Variants in H6PD observed in about 807,000 individuals in gnomAD.
H6PD encodes GDH/6PGL endoplasmic bifunctional protein.
H6PD carries 48 observed loss-of-function variants against 61.2 expected under a neutral mutation model. The ratio of observed to expected loss-of-function variants is 0.78; its 90% CI spans 0.62 to 1.00. H6PD has a LOEUF of 1.00. Ranked by LOEUF, H6PD falls within the 50% of genes least tolerant of loss-of-function variation. The probability of loss-of-function intolerance (pLI) is 0.00; values close to 1 mark genes in which losing one functional copy is unlikely to be tolerated. For synonymous variants in H6PD, 480 were observed against 457.9 expected (o/e 1.05, Z -0.62); for missense variants, 1,093 against 1,065.0 (o/e 1.03, Z -0.37).
Position 9,247,169 on chromosome 1 carries a change from G to A in H6PD, c.745+86G>A, listed in dbSNP as rs1481813438. The A allele has an allele frequency of 4.4e-6, 4 of 914,898 alleles. No homozygotes were observed. The African/African-American group carries it at 4.9e-5, about 11-fold the overall frequency. 56.7% of individuals were successfully genotyped at this position (914,898 alleles called of 1,614,324 possible). On this transcript the variant is annotated intron_variant, in intron 3 of 4. Transcript: ENST00000377403. ...AGGCATGGGGCGCTTCTCAGAGGGA[G>A]GTTTTCTGTGGGTGTGTGGTCTCCC...
rs986956707 is a variant in H6PD, at chr1:9,271,226, G to C, written c.*6357G>C. On this transcript the variant is annotated 3_prime_UTR_variant, in exon 5 of 5. Transcript: ENST00000377403. ...TGGGATTACAGGCGGGAGCCACCATGCCTGGCCAGAACAAATGCCTTTTTA... is the reference window on the plus strand; with the variant it reads ...TGGGATTACAGGCGGGAGCCACCATCCCTGGCCAGAACAAATGCCTTTTTA... The C allele has an allele frequency of 6.6e-6, 1 of 152,198 alleles. No individual in the cohort carries two copies. The highest frequency in any genetic ancestry group is 6.5e-5 in the Admixed American group (1 of 15,284). The allele number at this position is 152,198 out of a possible 1,614,324, so 9.4% of individuals were successfully genotyped here.
At chr1:9,246,159 G>T (rs1557738485) in intron 2 of H6PD, among the ~76,000 whole-genome samples, 2 of 152,132 alleles carry the variant, frequency 1.3e-5, no homozygotes. Context: ...GGCCAGGCTG[G>T]TCTCAAAATC....
intron 1 of H6PD, chr1:9,239,896 C>A: frequency 1.3e-6 from 1 of 779,492 alleles, no homozygotes; most frequent in Non-Finnish European, 1.7e-6. Context: ...TCTGCTGTGC[C>A]GGGTCTGTAT....
Position 9,269,136 on chromosome 1 carries a change from T to A in H6PD, c.*4267T>A, listed in dbSNP as rs925990127. On this transcript the variant is annotated 3_prime_UTR_variant, in exon 5 of 5. Coordinates refer to ENST00000377403, the MANE Select transcript of H6PD (RefSeq NM_004285.4). This position sits in a 1 kb window ranked among gnomAD's most constrained non-coding sequence, Gnocchi z 4.3. Reference sequence around the variant, plus strand: ...GGTGACGAGGGTGAGGTGGCCACAGTGACCGGACGACAAATGAGACTCTGC... The same window carrying A: ...GGTGACGAGGGTGAGGTGGCCACAGAGACCGGACGACAAATGAGACTCTGC... 1 of 152,020 alleles carries A rather than the reference T, an allele frequency of 6.6e-6. No individual in the cohort carries two copies. The highest frequency in any genetic ancestry group is 6.5e-5 in the Admixed American group (1 of 15,278). 9.4% of individuals were successfully genotyped at this position (152,020 alleles called of 1,614,324 possible).
chr1:9,267,061 C>G lies in H6PD; in HGVS notation c.*2192C>G, dbSNP rs886103490. On this transcript the variant is annotated 3_prime_UTR_variant, in exon 5 of 5. Coordinates refer to ENST00000377403, the MANE Select transcript of H6PD (RefSeq NM_004285.4). Reference sequence around the variant, plus strand: ...TCTCGAACTCCTGAGCTCAGGCAGTCTACCCACCTCAGCCTCCCAAAGTGC... The same window carrying G: ...TCTCGAACTCCTGAGCTCAGGCAGTGTACCCACCTCAGCCTCCCAAAGTGC... The G allele has an allele frequency of 4.6e-5, 7 of 152,552 alleles. No homozygotes were observed. Among genetic ancestry groups the G allele is most frequent in the African/African-American group, 1.7e-4 (7 of 41,472 alleles). 9.4% of individuals were successfully genotyped at this position (152,552 alleles called of 1,614,324 possible). A position where few individuals can be genotyped will look rare whatever the true frequency, so the allele number is the denominator to read the frequency against.
chr1:9,262,697 C>T lies in H6PD; in HGVS notation c.1015+369C>T, dbSNP rs369827885. 6.6e-5 allele frequency among the ~76,000 whole-genome samples: 10 copies of T among 152,334 alleles called. No individual in the cohort carries two copies. In the East Asian group the frequency reaches 1.4e-3, roughly 21 times the overall value. On this transcript the variant is annotated intron_variant, in intron 4 of 4. Coordinates refer to ENST00000377403, the MANE Select transcript of H6PD (RefSeq NM_004285.4). ...TGGCCACAGCTGGAGACACTTCCAG[C>T]GGCCAAGTGCCATGCCAGGGCTGTC...
chr1:9,239,354 C>T (rs926704170), intron 1 of H6PD, among the ~76,000 whole-genome samples: 1 of 152,088 alleles, frequency 6.6e-6, no homozygotes, highest in Non-Finnish European at 1.5e-5. Flanking sequence ...GATGAGGATT[C>T]TCTGAGATGA....
Position 9,264,516 on chromosome 1 carries a change from A to C in H6PD, c.2023A>C (p.Arg675=). 1 of 1,613,262 alleles carries C rather than the reference A, an allele frequency of 6.2e-7. No homozygotes were observed. The highest frequency in any genetic ancestry group is 1.1e-5 in the South Asian group (1 of 91,076). ...GGACCAGGGCGCCCAGATCTATGCC[A>C]GGGAGATCTCAGCCCTGGTGGCCAA... ...EEDQGAQIYA[R]EISALVANSS... The change falls in exon 5 of 5, where the codon AGG becomes CGG. Residue 675 remains arginine, a synonymous_variant. Coordinates refer to ENST00000377403, the MANE Select transcript of H6PD (RefSeq NM_004285.4).
intron 3 of H6PD, among the ~76,000 whole-genome samples, chr1:9,261,769 A>G (rs542103453): frequency 2.0e-5 from 3 of 152,340 alleles, no homozygotes; most frequent in South Asian, 4.1e-4. Flanking sequence ...TACAGAGGCA[A>G]TCTGGCCTTT....
In H6PD at chr1:9,263,917, C is replaced by T; in HGVS notation, c.1424C>T (p.Thr475Ile). ...IFHGRKNFFI[T>I]TENLLASWNF... ...CATGGCCGGAAGAATTTCTTCATCACCACAGAGAACTTGCTGGCCTCCTGG... is the reference window on the plus strand; with the variant it reads ...CATGGCCGGAAGAATTTCTTCATCATCACAGAGAACTTGCTGGCCTCCTGG... The change falls in exon 5 of 5, where the codon ACC becomes ATC. Residue 475 changes from threonine to isoleucine, a missense_variant. Thr to Ile is a moderately conservative substitution (Grantham distance 89). Transcript: ENST00000377403. 6.2e-7 allele frequency: 1 copy of T among 1,614,212 alleles called. No individual in the cohort carries two copies. The highest frequency in any genetic ancestry group is 8.5e-7 in the Non-Finnish European group (1 of 1,180,020).
chr1:9,257,174 G>T, intron 3 of H6PD, among the ~76,000 whole-genome samples: 1 of 150,422 alleles, frequency 6.6e-6, no homozygotes, highest in African/African-American at 2.5e-5. Flanking sequence ...GGTCTCATGC[G>T]GTGTTGTCCA....
Position 9,267,008 on chromosome 1 carries a change from CAG to C in H6PD, c.*2140_*2141del, listed in dbSNP as rs1638583947. The C allele has an allele frequency of 6.6e-6, 1 of 152,266 alleles. No individual in the cohort carries two copies. Among genetic ancestry groups the C allele is most frequent in the Admixed American group, 6.5e-5 (1 of 15,276 alleles). 9.4% of individuals were successfully genotyped at this position (152,266 alleles called of 1,614,324 possible). The stretch of plus-strand genomic sequence containing the variant: ...TCTAATTTTTGTATTTTAGTAGAGA[CAG>C]GGTTTCACCATGTTGCCCAGGCTGG... On this transcript the variant is annotated 3_prime_UTR_variant, in exon 5 of 5. Transcript: ENST00000377403.
At chr1:9,262,800 C>T (rs954551403) in intron 4 of H6PD, among the ~76,000 whole-genome samples, 1 of 152,212 alleles carries the variant, frequency 6.6e-6, no homozygotes, top group Non-Finnish European at 1.5e-5. Flanking sequence ...CAGTAAGAGC[C>T]ACAGCTGCCT....
intron 4 of H6PD, among the ~76,000 whole-genome samples, chr1:9,263,180 C>A (rs1313957010): frequency 1.3e-5 from 2 of 152,180 alleles, no homozygotes; most frequent in Admixed American, 1.3e-4. Context: ...TCCCCCACCC[C>A]ACTTGCCCCC....
intron 3 of H6PD, among the ~76,000 whole-genome samples, chr1:9,252,028 C>T (rs187830537): frequency 6.6e-6 from 1 of 152,168 alleles, no homozygotes; most frequent in East Asian, 1.9e-4. Flanking sequence ...ACCTCTCTCT[C>T]TCGGGTAGTT....
rs765503991 is a variant in H6PD, at chr1:9,264,470, G to A, written c.1977G>A (p.Gln659=). The A allele has an allele frequency of 6.2e-7, 1 of 1,613,282 alleles. No individual in the cohort carries two copies. The highest frequency in any genetic ancestry group is 2.2e-5 in the East Asian group (1 of 44,872). The change falls in exon 5 of 5, where the codon CAG becomes CAA. Residue 659 remains glutamine, a synonymous_variant. Transcript: ENST00000377403. ...YNIHPMPVHL[Q]QRLCAEEDQG... is the part of the protein sequence containing the mutation. ...TCCACCCCATGCCTGTGCACCTGCA[G>A]CAGCGGCTCTGCGCCGAGGAGGACC... is the stretch of plus-strand genomic sequence containing the variant.
Position 9,254,026 on chromosome 1 carries a change from G to C in H6PD, c.745+6943G>C, listed in dbSNP as rs1489437560. Among the ~76,000 whole-genome samples, 1 of 152,186 alleles carries C rather than the reference G, an allele frequency of 6.6e-6. No homozygotes were observed. Among genetic ancestry groups the C allele is most frequent in the African/African-American group, 2.4e-5 (1 of 41,444 alleles). On this transcript the variant is annotated intron_variant, in intron 3 of 4. Coordinates refer to ENST00000377403, the MANE Select transcript of H6PD (RefSeq NM_004285.4). This position sits in a 1 kb window ranked among gnomAD's most constrained non-coding sequence, Gnocchi z 4.6. ...GTATGTGAGGTGATGTCAGTTGCTG[G>C]AGATCACAGGGCTGAAAGATGGCAG...
chr1:9,240,084 C>A, intron 1 of H6PD: 3 of 1,058,152 alleles, frequency 2.8e-6, no homozygotes, highest in Non-Finnish European at 3.6e-6. Context: ...GTGAAGGGTG[C>A]CCAGGACTGG....
intron 1 of H6PD, among the ~76,000 whole-genome samples, chr1:9,236,976 C>T (rs1360224302): frequency 6.6e-6 from 1 of 152,142 alleles, no homozygotes; most frequent in Non-Finnish European, 1.5e-5. Flanking sequence ...AAAGGCAAAG[C>T]GGACCCGGGA....
Sources: gnomAD v4.1 joint callset for allele counts (sites outside exome capture counted in the v4.1 genomes callset) on GRCh38, gnomAD v4.1.1 for gene constraint, Gnocchi (gnomAD v3.1) non-coding constraint, MANE v1.5 for transcripts, NCBI Gene and HGNC (gene_info 2026-07-23, HGNC 2026-07-21) for gene names.